ETS1: variants seen among roughly 807,000 people sequenced by gnomAD.
ETS1 encodes protein C-ets-1.
Under a neutral mutation model 58.6 loss-of-function variants are expected in ETS1, and 15 were observed. The ratio of observed to expected loss-of-function variants is 0.26; its 90% CI spans 0.17 to 0.39. The LOEUF (loss-of-function observed/expected upper bound fraction) is 0.39, where lower values mean the gene tolerates loss of function less well. Among genes scored for constraint, ETS1 ranks in the 10% least tolerant of loss-of-function variants. The probability of loss-of-function intolerance (pLI) is 1.00; values close to 1 mark genes in which losing one functional copy is unlikely to be tolerated. For missense variants in ETS1, 417 were observed against 610.5 expected, an observed-to-expected ratio of 0.68 and a Z score of 3.34; for synonymous variants, 214 against 218.2, an observed-to-expected ratio of 0.98 and a Z score of 0.17.
chr11:128,502,385 G>A (rs1193394490), intron 3 of ETS1, among the ~76,000 whole-genome samples: 1 of 152,222 alleles, frequency 6.6e-6, no homozygotes, highest in African/African-American at 2.4e-5. Context: ...AGGCCTCTCT[G>A]TACAGAGGTT....
intron 3 of ETS1, chr11:128,527,317 G>A (rs2135526885): frequency 5.2e-6 from 1 of 192,728 alleles, no homozygotes; most frequent in Non-Finnish European, 1.1e-5. Context: ...AACAATGTGG[G>A]GTGGATTGGC....
chr11:128,515,580 C>A (rs148953120), intron 3 of ETS1, among the ~76,000 whole-genome samples: 9 of 152,178 alleles, frequency 5.9e-5, no homozygotes, highest in African/African-American at 2.2e-4. Context: ...GTACGATTGA[C>A]CAAATTTAGT....
intron 2 of ETS1, among the ~76,000 whole-genome samples, chr11:128,571,106 G>A (rs1406730797): frequency 1.3e-5 from 2 of 152,028 alleles, no homozygotes; most frequent in Non-Finnish European, 2.9e-5. Flanking sequence ...AATAGCTACT[G>A]AGAGTTTTTG....
chr11:128,522,201 A>G, intron 3 of ETS1: 1 of 1,235,332 alleles, frequency 8.1e-7, no homozygotes. Flanking sequence ...TTTGCGGCGA[A>G]GTGAGCGCGC....
intron 2 of ETS1, among the ~76,000 whole-genome samples, chr11:128,564,516 C>T (rs2135566937): frequency 6.6e-6 from 1 of 152,214 alleles, no homozygotes; most frequent in South Asian, 2.1e-4. Flanking sequence ...GGTAGTGCAG[C>T]CAACACCAAC....
chr11:128,494,633 G>C (rs1354881507), intron 3 of ETS1, among the ~76,000 whole-genome samples: 2 of 152,186 alleles, frequency 1.3e-5, no homozygotes, highest in African/African-American at 2.4e-5. Flanking sequence ...GAACCTTCCA[G>C]GGTGTTTCAT....
chr11:128,502,114 T>C (rs1281758803), intron 3 of ETS1, among the ~76,000 whole-genome samples: 1 of 152,228 alleles, frequency 6.6e-6, no homozygotes, highest in Non-Finnish European at 1.5e-5. Context: ...TTGGTCTATT[T>C]ATATCTGCCA....
chr11:128,507,799 T>C (rs2135493797), intron 3 of ETS1, among the ~76,000 whole-genome samples: 1 of 152,296 alleles, frequency 6.6e-6, no homozygotes, highest in Non-Finnish European at 1.5e-5. Flanking sequence ...GCTCAGGAAA[T>C]GACGCCTGGG....
Position 128,522,332 on chromosome 11 carries a change from C to G in ETS1, c.215-31756G>C, listed in dbSNP as rs909762789. ...TCTCCCGGCCGCTCTCCCTCCCTCT[C>G]GCCCTCCCGCGCTCTCCCCTCCTCT... On this transcript the variant is annotated intron_variant, in intron 3 of 9. Coordinates refer to ENST00000392668, the MANE Select transcript of ETS1 (RefSeq NM_001143820.2). The G allele has an allele frequency of 2.0e-5, 21 of 1,032,976 alleles. No homozygotes were observed. In the African/African-American group the frequency reaches 3.4e-4, roughly 17 times the overall value. The allele number at this position is 1,032,976 out of a possible 1,614,324, so 64.0% of individuals were successfully genotyped here.
chr11:128,499,101 C>G (rs1863018958), intron 3 of ETS1, among the ~76,000 whole-genome samples: 1 of 152,174 alleles, frequency 6.6e-6, no homozygotes, highest in Non-Finnish European at 1.5e-5. Context: ...TCCTGCCCTG[C>G]CTTCACTAAA....
intron 1 of ETS1, among the ~76,000 whole-genome samples, chr11:128,577,770 T>C (rs1864780306): frequency 6.6e-6 from 1 of 152,208 alleles, no homozygotes; most frequent in African/African-American, 2.4e-5. Context: ...GTCTCATGGA[T>C]GCTGCTTAGC....
At chr11:128,526,676 C>A in intron 3 of ETS1, 1 of 320,048 alleles carries the variant, frequency 3.1e-6, no homozygotes. Flanking sequence ...CCAGCATCAG[C>A]CTCACTTGAG....
intron 2 of ETS1, among the ~76,000 whole-genome samples, chr11:128,571,500 T>TCCAGCCTGGACGACAGAG (rs1565414945): frequency 5.3e-4 from 19 of 36,138 alleles, no homozygotes; most frequent in African/African-American, 2.0e-3. Context: ...CAAGACTCCG[T>TCCAGCCTGGACGACAGAG]CAAAAAAAAA....
chr11:128,482,964 T>C (rs955729252), intron 7 of ETS1, among the ~76,000 whole-genome samples: 1 of 152,228 alleles, frequency 6.6e-6, no homozygotes. Flanking sequence ...TACGCTGTAA[T>C]GCAGCCCGTG....
At chr11:128,562,639 G>A (rs1195470562) in intron 2 of ETS1, among the ~76,000 whole-genome samples, 5 of 152,086 alleles carry the variant, frequency 3.3e-5, no homozygotes, top group Non-Finnish European at 5.9e-5. Flanking sequence ...ATGAAGCCCC[G>A]GAAGCCTGGA....
intron 7 of ETS1, among the ~76,000 whole-genome samples, chr11:128,482,825 A>G (rs545296965): frequency 5.3e-4 from 80 of 152,270 alleles, no homozygotes; most frequent in Middle Eastern, 3.4e-3. Context: ...TTCCAAAGCT[A>G]TCTGAGTCCA....
At chr11:128,540,539 A>T in intron 3 of ETS1, among the ~76,000 whole-genome samples, 1 of 152,050 alleles carries the variant, frequency 6.6e-6, no homozygotes, top group Admixed American at 6.6e-5. Context: ...AAGAGGGAGA[A>T]TTTCCTATCA....
At chr11:128,519,242 G>A (rs1422778077) in intron 3 of ETS1, among the ~76,000 whole-genome samples, 1 of 152,154 alleles carries the variant, frequency 6.6e-6, no homozygotes. Context: ...GAATAAAAGT[G>A]CATAAAGGTT....
chr11:128,527,292 T>G (rs1863818498), intron 3 of ETS1: 1 of 194,400 alleles, frequency 5.1e-6, no homozygotes, highest in Admixed American at 5.4e-5. Context: ...ACCATTCAAC[T>G]GCATCTGCAG....
Sources: gnomAD v4.1 joint callset for allele counts (sites outside exome capture counted in the v4.1 genomes callset) on GRCh38, gnomAD v4.1.1 for gene constraint, MANE v1.5 for transcripts, NCBI Gene and HGNC (gene_info 2026-07-23, HGNC 2026-07-21) for gene names.